Variants in ANKAR observed in about 807,000 individuals in gnomAD.
The protein encoded by ANKAR is ankyrin and armadillo repeat-containing protein.
A neutral mutation model predicts 146.2 loss-of-function variants in ANKAR; 136 were observed. That is an observed-to-expected ratio of 0.93 (90% CI 0.81 to 1.07). The LOEUF (loss-of-function observed/expected upper bound fraction) is 1.07. ANKAR is among the 50% of genes least tolerant of loss of function. ANKAR has a pLI of 0.00. For missense variants in ANKAR, 1,567 were observed against 1,679.9 expected (o/e 0.93, Z 1.18); for synonymous variants, 500 against 575.8 (o/e 0.87, Z 1.88).
intron 22 of ANKAR, among the ~76,000 whole-genome samples, chr2:189,746,010 A>G (rs2105917698): frequency 6.6e-6 from 1 of 152,378 alleles, no homozygotes; most frequent in Middle Eastern, 3.4e-3. Context: ...ACAGGTTTGT[A>G]GTAACATAAG....
At chr2:189,725,315 C>CACACACAT (rs758464819) in intron 12 of ANKAR, among the ~76,000 whole-genome samples, 19 of 126,818 alleles carry the variant, frequency 1.5e-4, no homozygotes, top group African/African-American at 5.6e-4. Context: ...CACACACACA[C>CACACACAT]ATATATATGA....
At chr2:189,682,660 A>G (rs1486138672) in intron 2 of ANKAR, among the ~76,000 whole-genome samples, 2 of 152,216 alleles carry the variant, frequency 1.3e-5, no homozygotes, top group Non-Finnish European at 2.9e-5. Context: ...TACAATAGCA[A>G]GATGTTTTAG....
chr2:189,721,525 T>TA (rs752337253), intron 12 of ANKAR, among the ~76,000 whole-genome samples: 1 of 152,168 alleles, frequency 6.6e-6, no homozygotes, highest in Non-Finnish European at 1.5e-5. Context: ...TCAGATTTGT[T>TA]AGATATTTGA....
chr2:189,718,300 A>G (rs1194299116), intron 10 of ANKAR, among the ~76,000 whole-genome samples: 1 of 146,888 alleles, frequency 6.8e-6, no homozygotes, highest in Admixed American at 6.8e-5. Flanking sequence ...CTTTATCTAT[A>G]TCTATCTATA....
intron 12 of ANKAR, among the ~76,000 whole-genome samples, chr2:189,725,195 A>T (rs2041732816): frequency 6.6e-6 from 1 of 152,082 alleles, no homozygotes; most frequent in African/African-American, 2.4e-5. Context: ...GTTGGATTGG[A>T]ACTGGAAATG....
Position 189,754,761 on chromosome 2 carries a change from G to T in ANKAR, c.*585-6337G>T, listed in dbSNP as rs558555684. ...AGTATTCTAAAACAAAGGGGGGTGG[G>T]GGGGGACCCTGTCTGTGGTGTAAGT... On this transcript the variant is annotated intron_variant and NMD_transcript_variant, in intron 18 of 18. Transcript: ENST00000441800. 9.1e-5 allele frequency: 21 copies of T among 230,702 alleles called. No individual in the cohort carries two copies. In the South Asian group the frequency reaches 1.5e-3, roughly 17 times the overall value. 14.3% of individuals were successfully genotyped at this position (230,702 alleles called of 1,614,324 possible). A position where few individuals can be genotyped will look rare whatever the true frequency, so the allele number is the denominator to read the frequency against.
chr2:189,676,946 C>T lies in ANKAR; in HGVS notation c.456C>T (p.Tyr152=), dbSNP rs747299018. Residue 152 remains tyrosine (Y), a synonymous_variant, in exon 2 of 23, where the codon TAC becomes TAT. Transcript: ENST00000684021. Reference sequence around the variant, plus strand: ...GGCAAATTCTGATCAATATTGACTACATGCTGAAAGCACTATGGCATGGAA... The same window carrying T: ...GGCAAATTCTGATCAATATTGACTATATGCTGAAAGCACTATGGCATGGAA... ...RIGQILINID[Y]MLKALWHGIY... 2 of 1,614,072 alleles carry T rather than the reference C, an allele frequency of 1.2e-6. No homozygotes were observed. The highest frequency in any genetic ancestry group is 1.7e-6 in the Non-Finnish European group (2 of 1,180,024).
downstream of ANKAR, among the ~76,000 whole-genome samples, chr2:189,749,561 A>G (rs2044775329): frequency 6.6e-6 from 1 of 152,202 alleles, no homozygotes; most frequent in Non-Finnish European, 1.5e-5. Flanking sequence ...AAAATCCAAA[A>G]AAACTCCCTC....
chr2:189,728,753 T>A lies in ANKAR; in HGVS notation c.3125T>A (p.Leu1042Gln). 6.2e-7 allele frequency: 1 copy of A among 1,614,108 alleles called. No homozygotes were observed. Among genetic ancestry groups the A allele is most frequent in the African/African-American group, 1.3e-5 (1 of 75,052 alleles). Reference protein sequence around the residue: ...GNGIAPLVRLLRISTIAEGTL... With the variant: ...GNGIAPLVRLQRISTIAEGTL... ...GGAATTGCACCATTGGTTCGCTTAC[T>A]AAGAATTAGTACGATTGCTGAAGGC... Residue 1042 changes from leucine (L) to glutamine (Q), a missense_variant, in exon 15 of 23, where the codon CTA becomes CAA. Transcript: ENST00000684021.
At chr2:189,750,642 A>G (rs371364413), downstream of ANKAR, 36 of 1,583,738 alleles carry the variant, frequency 2.3e-5, 1 homozygote, top group Admixed American at 5.1e-4. Context: ...TGATATGTCT[A>G]CTCCAAGAGG....
At chr2:189,707,524 G>C (rs2039121484) in intron 9 of ANKAR, among the ~76,000 whole-genome samples, 1 of 141,158 alleles carries the variant, frequency 7.1e-6, no homozygotes, top group South Asian at 2.2e-4. Context: ...CTTATTCCTT[G>C]CCTCCTAATT....
chr2:189,698,780 G>C (rs1250700713), intron 7 of ANKAR, among the ~76,000 whole-genome samples: 1 of 152,152 alleles, frequency 6.6e-6, no homozygotes, highest in Non-Finnish European at 1.5e-5. Flanking sequence ...TCCATTGGCA[G>C]ATACTGACAA....
Position 189,706,945 on chromosome 2 carries a change from T to C in ANKAR, c.1918T>C (p.Cys640Arg). ...LEAEATAENQ[C>R]TPLLLAATSG... ...ATGTTTCTTAATTTTTAGGAATCAG[T>C]GCACTCCACTGTTACTTGCTGCCAC... Residue 640 changes from cysteine to arginine, a missense_variant, in exon 9 of 23, where the codon TGC becomes CGC. Transcript: ENST00000684021. 3 of 1,610,302 alleles carry C rather than the reference T, an allele frequency of 1.9e-6. No homozygotes were observed. Among genetic ancestry groups the C allele is most frequent in the South Asian group, 2.2e-5 (2 of 90,066 alleles).
intron 3 of ANKAR, among the ~76,000 whole-genome samples, chr2:189,690,298 T>G (rs544284382): frequency 6.6e-6 from 1 of 152,330 alleles, no homozygotes; most frequent in East Asian, 1.9e-4. Flanking sequence ...TTCAGTGTAC[T>G]TCTATTCAAA....
At chr2:189,692,676 C>T (rs910089164) in intron 4 of ANKAR, 1 of 333,362 alleles carries the variant, frequency 3.0e-6, no homozygotes, top group Non-Finnish European at 5.4e-6. Flanking sequence ...TTAAAGACTT[C>T]TAATGGACTA....
At chr2:189,724,166 T>C (rs1188256520) in intron 12 of ANKAR, among the ~76,000 whole-genome samples, 1 of 152,122 alleles carries the variant, frequency 6.6e-6, no homozygotes, top group Non-Finnish European at 1.5e-5. Flanking sequence ...GTAGAGGAAT[T>C]TCTACTTTTT....
chr2:189,729,527 GAGA>G (rs1003224238), intron 15 of ANKAR, among the ~76,000 whole-genome samples: 33 of 152,126 alleles, frequency 2.2e-4, no homozygotes, highest in Non-Finnish European at 4.1e-4. Context: ...TAATCAGCCA[GAGA>G]AGATGTTTCT....
At chr2:189,729,649 A>G (rs1447336912) in intron 15 of ANKAR, among the ~76,000 whole-genome samples, 1 of 133,614 alleles carries the variant, frequency 7.5e-6, no homozygotes, top group African/African-American at 2.6e-5. Flanking sequence ...CACATAATCA[A>G]ATTTCTTCGC....
chr2:189,739,813 C>T (rs1349743243), intron 19 of ANKAR, among the ~76,000 whole-genome samples: 1 of 152,092 alleles, frequency 6.6e-6, no homozygotes, highest in Non-Finnish European at 1.5e-5. Context: ...CCGCCCGCCT[C>T]GGCCTCTCAA....
Sources: gnomAD v4.1 joint callset for allele counts (sites outside exome capture counted in the v4.1 genomes callset) on GRCh38, gnomAD v4.1.1 for gene constraint, MANE v1.5 for transcripts, NCBI Gene and HGNC (gene_info 2026-07-23, HGNC 2026-07-21) for gene names.